Variants in PDE9A observed in about 807,000 individuals in gnomAD.
The protein encoded by PDE9A is phosphodiesterase 9A, also known as high affinity cGMP-specific 3',5'-cyclic phosphodiesterase 9A.
A neutral mutation model predicts 87.4 loss-of-function variants in PDE9A; 60 were observed. The observed-to-expected ratio is 0.69, with a 90% CI of 0.56 to 0.85. The LOEUF is 0.85. Among genes scored for constraint, PDE9A ranks in the 40% least tolerant of loss-of-function variants. The pLI is 0.00. For synonymous variants in PDE9A, 272 were observed against 279.4 expected (o/e 0.97, Z 0.27); for missense variants, 665 against 779.0 (o/e 0.85, Z 1.74).
rs73905751 is a variant in PDE9A, at chr21:42,705,651, C to A, written c.262+6640C>A. On this transcript the variant is annotated intron_variant, in intron 4 of 19. Coordinates refer to ENST00000291539, the MANE Select transcript of PDE9A (RefSeq NM_002606.3). The surrounding 1 kb of genome is among the most constrained non-coding windows in gnomAD (Gnocchi z 4.3). ...AGTCACACGCCAGGACGGCCCCCCA[C>A]GGCCCAAGTCCTATAGGAGAGCCAG... Among the ~76,000 whole-genome samples, 1 of 152,202 alleles carries A rather than the reference C, an allele frequency of 6.6e-6. No homozygotes were observed. Among genetic ancestry groups the A allele is most frequent in the African/African-American group, 2.4e-5 (1 of 41,456 alleles).
chr21:42,666,979 G>A (rs1569108780), intron 1 of PDE9A, among the ~76,000 whole-genome samples: 1 of 152,134 alleles, frequency 6.6e-6, no homozygotes, highest in Non-Finnish European at 1.5e-5. Flanking sequence ...GGTGACCGCC[G>A]ACTCGCCCTC....
chr21:42,676,708 C>G (rs143661053), intron 1 of PDE9A, among the ~76,000 whole-genome samples: 1 of 152,196 alleles, frequency 6.6e-6, no homozygotes, highest in African/African-American at 2.4e-5. Context: ...TGGGGCAGTG[C>G]GTCACCTTCT....
intron 1 of PDE9A, among the ~76,000 whole-genome samples, chr21:42,678,614 T>TA (rs1309279036): frequency 2.6e-5 from 4 of 152,096 alleles, no homozygotes; most frequent in Non-Finnish European, 5.9e-5. Flanking sequence ...TTCTTTAAAC[T>TA]AAAAAAAAGT....
At position 42,687,888 on chromosome 21, in the gene PDE9A, G is replaced by A. The variant is rs367855927; in HGVS notation, c.141-29G>A. On this transcript the variant is annotated intron_variant, in intron 2 of 19. Coordinates refer to ENST00000291539, the MANE Select transcript of PDE9A (RefSeq NM_002606.3). ...GTACATCCCAGAGCACACTATGGGC[G>A]AAAACACGGGCTTGGGTGTGTTTTC... 61 of 1,605,176 alleles carry A rather than the reference G, an allele frequency of 3.8e-5. No individual in the cohort carries two copies. The East Asian group carries it at 4.9e-4, about 13-fold the overall frequency.
chr21:42,705,168 A>C lies in PDE9A; in HGVS notation c.262+6157A>C, dbSNP rs372369319. Among the ~76,000 whole-genome samples the C allele has an allele frequency of 1.2e-4, 19 of 152,282 alleles. No homozygotes were observed. The South Asian group carries it at 1.9e-3, about 15-fold the overall frequency. ...GTTCACCAAGCATCTTCTGTAGAAA[A>C]ATGCTCTCTTCGCCTGATCATGGGA... On this transcript the variant is annotated intron_variant, in intron 4 of 19. Coordinates refer to ENST00000291539, the MANE Select transcript of PDE9A (RefSeq NM_002606.3). The surrounding 1 kb of genome is among the most constrained non-coding windows in gnomAD (Gnocchi z 4.3).
intron 7 of PDE9A, chr21:42,734,783 C>T (rs1406923894): frequency 6.6e-6 from 1 of 152,164 alleles, no homozygotes; most frequent in Non-Finnish European, 1.5e-5. Flanking sequence ...TTTCATTTTC[C>T]CCATTGTCAA....
At chr21:42,732,527 G>C (rs2839578) in intron 6 of PDE9A, among the ~76,000 whole-genome samples, 49,783 of 152,110 alleles carry the variant, frequency 0.33, 8,424 homozygotes, top group East Asian at 0.55. Context: ...CCTGGATACC[G>C]TATTTTCCAT....
chr21:42,681,073 G>A (rs1020064790), intron 1 of PDE9A, among the ~76,000 whole-genome samples: 1 of 152,252 alleles, frequency 6.6e-6, no homozygotes, highest in African/African-American at 2.4e-5. Flanking sequence ...CAAACCAGTA[G>A]TGTTTTGTGT....
chr21:42,687,481 G>T (rs988922077), intron 2 of PDE9A, among the ~76,000 whole-genome samples: 8 of 152,160 alleles, frequency 5.3e-5, no homozygotes, highest in African/African-American at 1.9e-4. Context: ...TGAGGTTGGA[G>T]GAAGACTCAT....
At chr21:42,738,738 T>C (rs1375707603) in intron 7 of PDE9A, among the ~76,000 whole-genome samples, 3 of 152,276 alleles carry the variant, frequency 2.0e-5, no homozygotes, top group South Asian at 2.1e-4. Context: ...TGCAGTGGAG[T>C]GCAGTGGTGT....
At chr21:42,726,215 C>A (rs1201240944) in intron 4 of PDE9A, among the ~76,000 whole-genome samples, 1 of 152,190 alleles carries the variant, frequency 6.6e-6, no homozygotes, top group South Asian at 2.1e-4. Flanking sequence ...ATCTGCAAGT[C>A]TTTGTCAGAT....
chr21:42,673,508 C>G (rs1314414411), intron 1 of PDE9A, among the ~76,000 whole-genome samples: 1 of 152,198 alleles, frequency 6.6e-6, no homozygotes, highest in African/African-American at 2.4e-5. Context: ...GCAACTGAAC[C>G]CTTTTCCTCA....
intron 18 of PDE9A, 70 bp downstream of exon 18, chr21:42,770,868 C>G (rs1419455240): frequency 1.6e-6 from 2 of 1,229,150 alleles, no homozygotes; most frequent in Admixed American, 1.7e-5. Context: ...ACTCCCGACT[C>G]CAGAAGCTTG....
rs962734762 is a variant in PDE9A, at chr21:42,713,811, C to T, written c.262+14800C>T. Among the ~76,000 whole-genome samples, 24 of 151,876 alleles carry T rather than the reference C, an allele frequency of 1.6e-4. No homozygotes were observed. In the East Asian group the frequency reaches 4.3e-3, roughly 27 times the overall value. On this transcript the variant is annotated intron_variant, in intron 4 of 19. Coordinates refer to ENST00000291539, the MANE Select transcript of PDE9A (RefSeq NM_002606.3). ...GTGTATGTTAATTCACTTGATTTAGCCATTCTACAATGTATATATTTCAAA... is the reference window on the plus strand; with the variant it reads ...GTGTATGTTAATTCACTTGATTTAGTCATTCTACAATGTATATATTTCAAA...
intron 4 of PDE9A, among the ~76,000 whole-genome samples, chr21:42,701,445 A>AAG (rs1354873465): frequency 2.0e-5 from 3 of 150,734 alleles, no homozygotes; most frequent in East Asian, 3.9e-4. Context: ...TTTTTTTTCA[A>AAG]AGAGAGAGAG....
intron 7 of PDE9A, chr21:42,733,718 C>A (rs1484837557): frequency 1.4e-5 from 6 of 426,350 alleles, no homozygotes; most frequent in Non-Finnish European, 2.6e-5. Context: ...CTGAGAACCT[C>A]TGCTGAGTGT....
At chr21:42,736,397 C>G (rs1278720460) in intron 7 of PDE9A, among the ~76,000 whole-genome samples, 2 of 152,186 alleles carry the variant, frequency 1.3e-5, no homozygotes, top group Non-Finnish European at 2.9e-5. Context: ...ACCTTCCCCC[C>G]TAGCCTGTTC....
chr21:42,726,089 T>C (rs62213363), intron 4 of PDE9A, among the ~76,000 whole-genome samples: 16,848 of 152,256 alleles, frequency 0.11, 1,169 homozygotes, highest in East Asian at 0.33. Flanking sequence ...CATCTCTTCA[T>C]GGGCTTCTTT....
chr21:42,754,141 A>G (rs2054755525), intron 10 of PDE9A, 77 bp downstream of exon 10: 1 of 783,424 alleles, frequency 1.3e-6, no homozygotes, highest in Admixed American at 2.3e-5. Flanking sequence ...GACCACCCCC[A>G]TCGCTCTTCC....
Sources: gnomAD v4.1 joint callset for allele counts (sites outside exome capture counted in the v4.1 genomes callset) on GRCh38, gnomAD v4.1.1 for gene constraint, Gnocchi (gnomAD v3.1) non-coding constraint, MANE v1.5 for transcripts, NCBI Gene and HGNC (gene_info 2026-07-23, HGNC 2026-07-21) for gene names.